The following MTHFD1L variants were observed in gnomAD, a reference collection of about 807,000 sequenced individuals.
MTHFD1L encodes methylenetetrahydrofolate dehydrogenase (NADP+ dependent) 1 like.
Under a neutral mutation model 119.5 loss-of-function variants are expected in MTHFD1L, and 81 were observed. The observed-to-expected ratio is 0.68, with a 90% CI of 0.57 to 0.82. The LOEUF is 0.82. Ranked by LOEUF, MTHFD1L falls within the 40% of genes least tolerant of loss-of-function variation. The pLI, the probability that MTHFD1L is intolerant of heterozygous loss-of-function variation, is 0.00. For synonymous variants in MTHFD1L, 430 were observed against 475.2 expected (o/e 0.90, Z 1.24); for missense variants, 1,125 against 1,253.4 (o/e 0.90, Z 1.55).
chr6:150,866,470 G>A (rs1024604234), intron 1 of MTHFD1L: 7 of 1,319,876 alleles, frequency 5.3e-6, no homozygotes, highest in Non-Finnish European at 5.8e-6. Flanking sequence ...TCGGCGCGCC[G>A]GCTGGCCCGG....
intron 27 of MTHFD1L, chr6:151,099,653 A>G: frequency 6.2e-7 from 1 of 1,603,250 alleles, no homozygotes; most frequent in South Asian, 1.1e-5. Flanking sequence ...GGCATTGACA[A>G]CAGGGTTCGT....
At chr6:151,092,373 G>A in intron 26 of MTHFD1L, 94 bp from the exon 27 acceptor site, 1 of 878,336 alleles carries the variant, frequency 1.1e-6, no homozygotes, top group East Asian at 2.4e-5. Context: ...AGTTCTATGA[G>A]GCTGTATTGA....
intron 11 of MTHFD1L, among the ~76,000 whole-genome samples, chr6:150,929,591 C>G (rs777198171): frequency 1.2e-4 from 19 of 152,234 alleles, no homozygotes; most frequent in Non-Finnish European, 1.9e-4. Context: ...CCTCCAGCCT[C>G]ATGCTGGAGA....
chr6:151,000,109 G>A (rs1234621020), intron 20 of MTHFD1L, among the ~76,000 whole-genome samples: 2 of 152,142 alleles, frequency 1.3e-5, no homozygotes, highest in Non-Finnish European at 2.9e-5. Context: ...GGAAGCCGAG[G>A]CAGGTGGATC....
intron 11 of MTHFD1L, among the ~76,000 whole-genome samples, chr6:150,928,907 A>C (rs926186819): frequency 6.6e-6 from 1 of 152,094 alleles, no homozygotes; most frequent in African/African-American, 2.4e-5. Flanking sequence ...AGCAGTTGGC[A>C]TTGTAAGGAA....
At chr6:150,968,780 G>A (rs1400507182) in intron 19 of MTHFD1L, among the ~76,000 whole-genome samples, 1 of 149,016 alleles carries the variant, frequency 6.7e-6, no homozygotes, top group African/African-American at 2.5e-5. Context: ...CCCCCAAAGT[G>A]CTGGAATTAC....
Position 150,953,969 on chromosome 6 carries a change from CAT to C in MTHFD1L, c.1727-2024_1727-2023del, listed in dbSNP as rs141091092. On this transcript the variant is annotated intron_variant, in intron 16 of 27. Transcript: ENST00000367321. ...ATGCTCTGCTTATAGCTGAAAAACT[CAT>C]AAAGAAGGTTTCTGTGTGTTTATAT... 5.1e-3 allele frequency among the ~76,000 whole-genome samples: 781 copies of C among 152,190 alleles called. 10 individuals are homozygous for C. Among genetic ancestry groups the C allele is most frequent in the African/African-American group, 0.018 (743 of 41,526 alleles).
At chr6:150,961,062 T>C (rs1796363211) in intron 18 of MTHFD1L, among the ~76,000 whole-genome samples, 1 of 151,900 alleles carries the variant, frequency 6.6e-6, no homozygotes, top group Non-Finnish European at 1.5e-5. Context: ...TTCGTCTTTC[T>C]GGTATAATAA....
intron 11 of MTHFD1L, among the ~76,000 whole-genome samples, chr6:150,927,810 A>G (rs1488289141): frequency 6.6e-6 from 1 of 152,066 alleles, no homozygotes; most frequent in Non-Finnish European, 1.5e-5. Context: ...GAGTAGCAAA[A>G]TGCCCAGGAT....
intron 4 of MTHFD1L, among the ~76,000 whole-genome samples, chr6:150,882,045 T>C (rs9478847): frequency 0.064 from 9,682 of 152,306 alleles, 527 homozygotes; most frequent in East Asian, 0.22. Context: ...CAGGATCTTA[T>C]CTCCTGGCAT....
At position 150,865,839 on chromosome 6, in the gene MTHFD1L, C is replaced by G; in HGVS notation, c.17C>G (p.Pro6Arg). The G allele has an allele frequency of 7.9e-7, 1 of 1,260,926 alleles. No homozygotes were observed. 78.1% of individuals were successfully genotyped at this position (1,260,926 alleles called of 1,614,324 possible). The change falls in exon 1 of 28, where the codon CCG (proline) becomes CGG (arginine). Residue 6 changes from proline to arginine, a missense_variant. Physicochemically the swap from Pro to Arg is moderately radical, Grantham distance 103. This residue lies in a region of MTHFD1L where 1,058 missense variants were observed against 1,151.2 expected (regional missense o/e 0.92). Transcript: ENST00000367321. ...TCCCGCGCCATGGGCACGCGTCTGCCGCTCGTCCTGCGCCAGCTCCGCCGC... is the reference window on the plus strand; with the variant it reads ...TCCCGCGCCATGGGCACGCGTCTGCGGCTCGTCCTGCGCCAGCTCCGCCGC... Reference protein sequence around the residue: MGTRLPLVLRQLRRPP... With the variant: MGTRLRLVLRQLRRPP...
chr6:151,028,341 T>C (rs543254607), intron 24 of MTHFD1L, among the ~76,000 whole-genome samples: 1 of 152,132 alleles, frequency 6.6e-6, no homozygotes, highest in African/African-American at 2.4e-5. Flanking sequence ...CCCAAAAGCA[T>C]TGAAAGCAGG....
At chr6:151,020,205 C>T (rs1017896491) in intron 24 of MTHFD1L, among the ~76,000 whole-genome samples, 13 of 152,186 alleles carry the variant, frequency 8.5e-5, no homozygotes, top group Middle Eastern at 3.4e-3. Flanking sequence ...AGGAAAACAC[C>T]GGAGATGATT....
chr6:151,021,940 C>T, intron 24 of MTHFD1L: 1 of 458,346 alleles, frequency 2.2e-6, no homozygotes, highest in East Asian at 7.1e-5. Flanking sequence ...CTTCCTCTAG[C>T]CTTGCAAACA....
At chr6:151,058,327 G>A (rs552338426) in intron 26 of MTHFD1L, among the ~76,000 whole-genome samples, 6 of 152,320 alleles carry the variant, frequency 3.9e-5, no homozygotes, top group Non-Finnish European at 7.3e-5. Context: ...AGGAGGTGGC[G>A]TGGGAGCACT....
At chr6:150,872,074 C>T (rs1258209901) in intron 1 of MTHFD1L, among the ~76,000 whole-genome samples, 2 of 151,236 alleles carry the variant, frequency 1.3e-5, no homozygotes, top group Non-Finnish European at 2.9e-5. Flanking sequence ...GACGGGGTTT[C>T]ACTATGTTGG....
Position 151,051,616 on chromosome 6 carries a change from A to G in MTHFD1L, c.2847+14499A>G, listed in dbSNP as rs866830031. ...GGCCGTGCATGCTGAGCATTGAGAC[A>G]CATCACAAGGGAGTGAAAACCTGCT... On this transcript the variant is annotated intron_variant, in intron 26 of 27. Transcript: ENST00000367321. Among the ~76,000 whole-genome samples, 78 of 152,192 alleles carry G rather than the reference A, an allele frequency of 5.1e-4. 1 individual carries two copies. The highest frequency in any genetic ancestry group is 1.8e-3 in the African/African-American group (74 of 41,448).
At chr6:150,927,570 C>T (rs139587534) in intron 11 of MTHFD1L, among the ~76,000 whole-genome samples, 2,650 of 151,612 alleles carry the variant, frequency 0.017, 69 homozygotes, top group African/African-American at 0.061. Context: ...GATTCTCCTG[C>T]CTCAGCCTCC....
At chr6:150,914,142 C>A (rs1358266375) in intron 8 of MTHFD1L, among the ~76,000 whole-genome samples, 1 of 151,578 alleles carries the variant, frequency 6.6e-6, no homozygotes, top group Non-Finnish European at 1.5e-5. Context: ...AAACAAAAAA[C>A]AAAAATTAGC....
Sources: gnomAD v4.1 joint callset for allele counts (sites outside exome capture counted in the v4.1 genomes callset) on GRCh38, gnomAD v4.1.1 for gene constraint, gnomAD v4.1.1 regional missense constraint, MANE v1.5 for transcripts, NCBI Gene and HGNC (gene_info 2026-07-23, HGNC 2026-07-21) for gene names.